Variants in NELL2 observed in about 807,000 individuals in gnomAD.
The protein encoded by NELL2 is protein kinase C-binding protein NELL2.
In NELL2, 41 loss-of-function variants were observed where a neutral mutation model predicts 109.6. The ratio of observed to expected loss-of-function variants is 0.37; its 90% CI spans 0.29 to 0.49. NELL2 has a LOEUF of 0.49. NELL2 is among the 20% of genes least tolerant of loss of function. The pLI, the probability that NELL2 is intolerant of heterozygous loss-of-function variation, is 0.98. For missense variants in NELL2, 900 were observed against 1,008.3 expected (o/e 0.89, Z 1.45); for synonymous variants, 355 against 344.7 (o/e 1.03, Z -0.33).
intron 15 of NELL2, among the ~76,000 whole-genome samples, chr12:44,569,661 T>C (rs894625905): frequency 2.0e-5 from 3 of 152,202 alleles, no homozygotes; most frequent in African/African-American, 7.2e-5. Context: ...TATGTCCAAA[T>C]GCTGTTAGGC....
intron 2 of NELL2, among the ~76,000 whole-genome samples, chr12:44,843,882 T>A (rs1944297869): frequency 6.6e-6 from 1 of 151,814 alleles, no homozygotes; most frequent in Non-Finnish European, 1.5e-5. Flanking sequence ...ATTAGCTGGG[T>A]GTGGTGGCTC....
intron 16 of NELL2, 100 bp downstream of exon 16, chr12:44,532,481 A>T: frequency 8.0e-7 from 1 of 1,253,122 alleles, no homozygotes; most frequent in South Asian, 1.7e-5. Flanking sequence ...CATATAGTAA[A>T]AACACTAACA....
At chr12:44,879,342 G>A (rs1945385110), upstream of NELL2, among the ~76,000 whole-genome samples, 1 of 152,154 alleles carries the variant, frequency 6.6e-6, no homozygotes, top group Non-Finnish European at 1.5e-5. Flanking sequence ...ATTTGTGGTA[G>A]TTGGTTACAG....
intron 2 of NELL2, among the ~76,000 whole-genome samples, chr12:44,857,693 G>T (rs1944723119): frequency 6.6e-6 from 1 of 152,174 alleles, no homozygotes; most frequent in African/African-American, 2.4e-5. Context: ...TAATTATGTT[G>T]GGGTTGCTGT....
chr12:44,508,908 A>G lies in NELL2; in HGVS notation c.*26T>C. ...TTTAATGAAAGAACATTCTTTTAAC[A>G]GAAATCTCCCATGAGACAGTTAACT... On this transcript the variant is annotated 3_prime_UTR_variant, in exon 20 of 20. Coordinates refer to ENST00000429094, the MANE Select transcript of NELL2 (RefSeq NM_001145108.2). 2.5e-6 allele frequency: 4 copies of G among 1,595,308 alleles called. No homozygotes were observed. The highest frequency in any genetic ancestry group is 1.7e-4 in the Middle Eastern group (1 of 5,990).
intron 1 of NELL2, among the ~76,000 whole-genome samples, chr12:44,902,584 C>T (rs759901424): frequency 7.2e-5 from 11 of 152,028 alleles, no homozygotes; most frequent in African/African-American, 1.7e-4. Flanking sequence ...GAAAAGAGCC[C>T]GTATAGCCAA....
chr12:44,633,611 G>C (rs1430931398), intron 13 of NELL2, among the ~76,000 whole-genome samples: 2 of 152,080 alleles, frequency 1.3e-5, no homozygotes. Context: ...GTATTCTGTA[G>C]GAGTTCCAGC....
At chr12:44,869,537 A>G (rs1945103446) in intron 2 of NELL2, among the ~76,000 whole-genome samples, 1 of 152,166 alleles carries the variant, frequency 6.6e-6, no homozygotes. Flanking sequence ...TTTTACTGCC[A>G]TAATATTCTT....
intron 9 of NELL2, among the ~76,000 whole-genome samples, chr12:44,725,285 T>G (rs1008956399): frequency 4.6e-5 from 7 of 152,048 alleles, no homozygotes; most frequent in Non-Finnish European, 8.8e-5. Context: ...TAACTAAACT[T>G]AAGAGTTTCT....
chr12:44,760,700 CA>C (rs1941085748), intron 9 of NELL2, among the ~76,000 whole-genome samples: 3 of 150,944 alleles, frequency 2.0e-5, no homozygotes, highest in East Asian at 1.9e-4. Context: ...TTTGTTTGAC[CA>C]AAAAAAAGTT....
chr12:44,843,895 G>A (rs536311752), intron 2 of NELL2, among the ~76,000 whole-genome samples: 10 of 152,168 alleles, frequency 6.6e-5, no homozygotes, highest in East Asian at 3.9e-4. Flanking sequence ...GGTGGCTCAC[G>A]CTTGTGGTCC....
chr12:44,906,092 T>C (rs958310542), intron 1 of NELL2, among the ~76,000 whole-genome samples: 4 of 152,012 alleles, frequency 2.6e-5, no homozygotes, highest in Admixed American at 6.6e-5. Context: ...CTCACAAAGA[T>C]TGGCATTAAA....
intron 9 of NELL2, among the ~76,000 whole-genome samples, chr12:44,726,094 G>A (rs1187566838): frequency 6.6e-6 from 1 of 151,966 alleles, no homozygotes; most frequent in Admixed American, 6.6e-5. Flanking sequence ...ACTGTAAAAA[G>A]TAATTGACAA....
intron 2 of NELL2, among the ~76,000 whole-genome samples, chr12:44,854,305 C>A (rs921783705): frequency 2.0e-5 from 3 of 152,072 alleles, no homozygotes; most frequent in Admixed American, 1.3e-4. Flanking sequence ...ATTAAGAATA[C>A]ATATTTATAA....
At chr12:44,704,890 G>A (rs188718039) in intron 11 of NELL2, among the ~76,000 whole-genome samples, 4 of 151,966 alleles carry the variant, frequency 2.6e-5, no homozygotes, top group South Asian at 2.1e-4. Context: ...ATGGTGGCAG[G>A]TGCCTGTAAT....
chr12:44,545,445 A>T (rs1012859043), intron 15 of NELL2, among the ~76,000 whole-genome samples: 1 of 152,082 alleles, frequency 6.6e-6, no homozygotes, highest in Non-Finnish European at 1.5e-5. Context: ...AATGTGCTAG[A>T]CACTGTGGAA....
chr12:44,753,247 T>C (rs1940734488), intron 9 of NELL2, among the ~76,000 whole-genome samples: 1 of 152,128 alleles, frequency 6.6e-6, no homozygotes, highest in South Asian at 2.1e-4. Context: ...TTCACATCAT[T>C]AGCATTTACT....
At chr12:44,595,102 A>G (rs1257810532) in intron 15 of NELL2, among the ~76,000 whole-genome samples, 2 of 152,194 alleles carry the variant, frequency 1.3e-5, no homozygotes, top group Non-Finnish European at 2.9e-5. Context: ...TGCTTACACA[A>G]TCTGTTAGAT....
chr12:44,724,545 C>G (rs1938963870), intron 9 of NELL2, among the ~76,000 whole-genome samples: 1 of 151,828 alleles, frequency 6.6e-6, no homozygotes, highest in African/African-American at 2.4e-5. Flanking sequence ...ATACAGCTAC[C>G]CAGGAAAGTG....
Sources: gnomAD v4.1 joint callset for allele counts (sites outside exome capture counted in the v4.1 genomes callset) on GRCh38, gnomAD v4.1.1 for gene constraint, MANE v1.5 for transcripts, NCBI Gene and HGNC (gene_info 2026-07-23, HGNC 2026-07-21) for gene names.